CCDC68: variants seen among roughly 807,000 people sequenced by gnomAD.
CCDC68 encodes coiled-coil domain containing 68, also known as coiled-coil domain-containing protein 68.
In CCDC68, 45 loss-of-function variants were observed where a neutral mutation model predicts 47.1. That is an observed-to-expected ratio of 0.96 (90% CI 0.75 to 1.23). The LOEUF (loss-of-function observed/expected upper bound fraction) is 1.23. Ranked by LOEUF, CCDC68 falls within the 50% of genes most tolerant of loss-of-function variation. The probability of loss-of-function intolerance (pLI) is 0.00; values close to 1 mark genes in which losing one functional copy is unlikely to be tolerated. For synonymous variants in CCDC68, 131 were observed against 129.5 expected (o/e 1.01, Z -0.08); for missense variants, 353 against 373.6 (o/e 0.94, Z 0.45).
intron 1 of CCDC68, among the ~76,000 whole-genome samples, chr18:54,954,194 TA>T (rs1319320845): frequency 6.6e-6 from 1 of 151,958 alleles, no homozygotes; most frequent in African/African-American, 2.4e-5. Flanking sequence ...TAGCTGGGAC[TA>T]CAGGCATGTG....
chr18:54,921,115 A>G (rs6566960), intron 8 of CCDC68, among the ~76,000 whole-genome samples: 150,276 of 152,318 alleles, frequency 0.99, 74,170 homozygotes, highest in East Asian at 1. Flanking sequence ...AATACTGCAC[A>G]ATTCCACTTA....
At position 54,904,421 on chromosome 18, in the gene CCDC68, G is replaced by GA; in HGVS notation, c.951-7dup. 6.2e-7 allele frequency: 1 copy of GA among 1,611,252 alleles called. No individual in the cohort carries two copies. The highest frequency in any genetic ancestry group is 8.5e-7 in the Non-Finnish European group (1 of 1,177,626). Reference sequence around the variant, plus strand: ...CACCTTCGGTCTTCAATTCACTGTAGAAAAGACAACACGATGATCAAAATG... The same window carrying GA: ...CACCTTCGGTCTTCAATTCACTGTAGAAAAAGACAACACGATGATCAAAATG... On this transcript the variant is annotated splice_polypyrimidine_tract_variant and splice_region_variant and intron_variant, in intron 11 of 11. Transcript: ENST00000591504.
intron 11 of CCDC68, 98 bp from the exon 12 acceptor site, chr18:54,904,513 C>G: frequency 2.3e-6 from 2 of 863,318 alleles, no homozygotes; most frequent in South Asian, 3.1e-5. Context: ...CTATTCACAT[C>G]AAATCTGAAC....
At chr18:54,908,131 A>G (rs538524317) in intron 10 of CCDC68, among the ~76,000 whole-genome samples, 1 of 152,356 alleles carries the variant, frequency 6.6e-6, no homozygotes, top group Admixed American at 6.5e-5. Context: ...TGAAGTATCC[A>G]TATTTTATTT....
chr18:54,919,426 T>A (rs1289892347), intron 8 of CCDC68, 50 bp from the exon 9 acceptor site: 2 of 1,398,488 alleles, frequency 1.4e-6, no homozygotes, highest in African/African-American at 1.4e-5. Context: ...GGCTCACACG[T>A]TCCATAGCTC....
chr18:54,943,461 A>G (rs2044471507), intron 2 of CCDC68, among the ~76,000 whole-genome samples: 1 of 152,174 alleles, frequency 6.6e-6, no homozygotes, highest in Non-Finnish European at 1.5e-5. Flanking sequence ...ACTAAACCAC[A>G]TATATATATT....
intron 7 of CCDC68, among the ~76,000 whole-genome samples, chr18:54,931,367 A>G (rs920041889): frequency 2.6e-5 from 4 of 152,234 alleles, no homozygotes; most frequent in Non-Finnish European, 4.4e-5. Context: ...CTATTCCCAG[A>G]GCCATACCTC....
At position 54,936,974 on chromosome 18, in the gene CCDC68, C is replaced by A. The variant is rs1321683423; in HGVS notation, c.346-16G>T. On this transcript the variant is annotated splice_polypyrimidine_tract_variant and intron_variant, in intron 5 of 11. Transcript: ENST00000591504. ...AGGCTTGCAGCTAGAAAAAAGGTCA[C>A]TATGCATGTTCTGACATTTACAACA... 1 of 1,613,834 alleles carries A rather than the reference C, an allele frequency of 6.2e-7. No individual in the cohort carries two copies. The highest frequency in any genetic ancestry group is 8.5e-7 in the Non-Finnish European group (1 of 1,179,936).
At position 54,941,028 on chromosome 18, in the gene CCDC68, T is replaced by C. The variant is rs1439214272; in HGVS notation, c.173A>G (p.His58Arg). 2 of 1,612,330 alleles carry C rather than the reference T, an allele frequency of 1.2e-6. No individual in the cohort carries two copies. The highest frequency in any genetic ancestry group is 1.7e-5 in the Admixed American group (1 of 60,004). ...RTQMFKDEIR[H>R]DSTNHKLDAK... ...ATCTAGTTTGTGATTTGTACTGTCA[T>C]GTCTTATTTCATCTTTAAACATCTG... Residue 58 changes from histidine (H) to arginine (R), a missense_variant, in exon 4 of 12, where the codon CAT (histidine) becomes CGT (arginine). Coordinates refer to ENST00000591504, the MANE Select transcript of CCDC68 (RefSeq NM_025214.3).
chr18:54,928,227 A>T (rs1488152780), intron 8 of CCDC68, among the ~76,000 whole-genome samples: 5 of 152,210 alleles, frequency 3.3e-5, no homozygotes, highest in African/African-American at 1.2e-4. Context: ...TAGCACAGCG[A>T]TTATGGTGAT....
At position 54,906,049 on chromosome 18, in the gene CCDC68, T is replaced by TA. The variant is rs1467871292; in HGVS notation, c.951-1635dup. Among the ~76,000 whole-genome samples, 6 of 152,212 alleles carry TA rather than the reference T, an allele frequency of 3.9e-5. No homozygotes were observed. In the East Asian group the frequency reaches 9.7e-4, roughly 25 times the overall value. On this transcript the variant is annotated intron_variant, in intron 11 of 11. Transcript: ENST00000591504. The stretch of plus-strand genomic sequence containing the variant: ...CTCAGGGCTCCCACTGATTCTACAT[T>TA]ATAGTGAGTTTATAATTATTTTATT...
intron 1 of CCDC68, among the ~76,000 whole-genome samples, chr18:54,949,405 G>A (rs1047699520): frequency 7.2e-5 from 11 of 152,094 alleles, no homozygotes; most frequent in Admixed American, 4.6e-4. Flanking sequence ...TTGAGGCTTC[G>A]TTTGCCTAAG....
intron 10 of CCDC68, among the ~76,000 whole-genome samples, chr18:54,916,079 T>C (rs145559161): frequency 1.5e-3 from 232 of 152,330 alleles, no homozygotes; most frequent in Non-Finnish European, 2.0e-3. Flanking sequence ...GGGACTCCAC[T>C]GTGACATGAA....
intron 1 of CCDC68, among the ~76,000 whole-genome samples, chr18:54,957,565 A>T (rs1263975320): frequency 1.3e-5 from 2 of 152,132 alleles, no homozygotes; most frequent in Admixed American, 1.3e-4. Flanking sequence ...ATACATGAAT[A>T]GGCCCACAAA....
intron 10 of CCDC68, among the ~76,000 whole-genome samples, chr18:54,912,531 G>C (rs1405997033): frequency 6.6e-6 from 1 of 152,118 alleles, no homozygotes; most frequent in Admixed American, 6.6e-5. Context: ...TACAGTAACT[G>C]TGACAATGAC....
intron 4 of CCDC68, among the ~76,000 whole-genome samples, chr18:54,940,503 C>T (rs2044417747): frequency 6.6e-6 from 1 of 152,254 alleles, no homozygotes. Flanking sequence ...ATTAAGTACA[C>T]TTGGCTCAGA....
intron 8 of CCDC68, among the ~76,000 whole-genome samples, chr18:54,924,427 G>GA (rs35336170): frequency 2.6e-5 from 4 of 151,954 alleles, no homozygotes; most frequent in Admixed American, 2.6e-4. Context: ...CTTGGAGCTG[G>GA]AAAAAAACAG....
At chr18:54,921,135 G>A (rs1388162566) in intron 8 of CCDC68, among the ~76,000 whole-genome samples, 1 of 152,154 alleles carries the variant, frequency 6.6e-6, no homozygotes, top group East Asian at 1.9e-4. Context: ...ATAAGTGGGA[G>A]CTAAACACTG....
intron 1 of CCDC68, among the ~76,000 whole-genome samples, chr18:54,951,408 T>C (rs1475149173): frequency 2.0e-5 from 3 of 152,182 alleles, no homozygotes; most frequent in Non-Finnish European, 4.4e-5. Flanking sequence ...ATATGCCAGG[T>C]AGGGTATGCT....
Sources: allele counts gnomAD v4.1 joint callset (sites outside exome capture counted in the v4.1 genomes callset), GRCh38; gene constraint gnomAD v4.1.1; transcripts MANE v1.5; gene names NCBI Gene and HGNC (gene_info 2026-07-23, HGNC 2026-07-21).